The following PPP3CA variants were observed in gnomAD, a reference collection of about 807,000 sequenced individuals.
The protein encoded by PPP3CA is CAM-PRP catalytic subunit.
A neutral mutation model predicts 66.5 loss-of-function variants in PPP3CA; 14 were observed. That is an observed-to-expected ratio of 0.21 (90% CI 0.14 to 0.33). PPP3CA has a LOEUF of 0.33. Ranked by LOEUF, PPP3CA falls within the 10% of genes least tolerant of loss-of-function variation. The probability of loss-of-function intolerance (pLI) is 1.00; values close to 1 mark genes in which losing one functional copy is unlikely to be tolerated. For synonymous variants in PPP3CA, 232 were observed against 226.2 expected, an observed-to-expected ratio of 1.03 and a Z score of -0.23; for missense variants, 317 against 639.5, an observed-to-expected ratio of 0.50 and a Z score of 5.44.
chr4:101,290,084 G>A (rs886914754), intron 1 of PPP3CA, among the ~76,000 whole-genome samples: 8 of 152,060 alleles, frequency 5.3e-5, no homozygotes, highest in Non-Finnish European at 7.4e-5. Context: ...AGACAAAAGT[G>A]ATCTACAGTT....
At chr4:101,063,625 A>T (rs1728563337) in intron 8 of PPP3CA, among the ~76,000 whole-genome samples, 1 of 151,976 alleles carries the variant, frequency 6.6e-6, no homozygotes, top group Non-Finnish European at 1.5e-5. Context: ...AATGTCTGTC[A>T]GGAACTGATT....
chr4:101,050,464 C>A (rs1284617157), intron 10 of PPP3CA, among the ~76,000 whole-genome samples: 1 of 152,110 alleles, frequency 6.6e-6, no homozygotes, highest in Non-Finnish European at 1.5e-5. Context: ...AGCTGTGCTA[C>A]CTTGGGCAAG....
chr4:101,169,396 C>G (rs1723797139), intron 2 of PPP3CA, among the ~76,000 whole-genome samples: 1 of 152,114 alleles, frequency 6.6e-6, no homozygotes. Flanking sequence ...TGGCTATGTC[C>G]TACAGTACTC....
intron 2 of PPP3CA, among the ~76,000 whole-genome samples, chr4:101,137,143 T>C (rs150689640): frequency 5.9e-5 from 9 of 152,318 alleles, no homozygotes; most frequent in South Asian, 2.1e-4. Flanking sequence ...TATTTAAATA[T>C]GTACCTCTGT....
intron 9 of PPP3CA, among the ~76,000 whole-genome samples, chr4:101,062,771 T>C (rs1277998554): frequency 6.6e-6 from 1 of 152,034 alleles, no homozygotes; most frequent in Non-Finnish European, 1.5e-5. Context: ...CTTCAAAATA[T>C]TGTAGCCATT....
At chr4:101,343,803 C>T (rs956394602) in intron 1 of PPP3CA, among the ~76,000 whole-genome samples, 1 of 152,128 alleles carries the variant, frequency 6.6e-6, no homozygotes, top group Non-Finnish European at 1.5e-5. Context: ...ATAGTTGAGA[C>T]AGACTCAACC....
intron 2 of PPP3CA, among the ~76,000 whole-genome samples, chr4:101,117,129 C>A (rs1721860482): frequency 6.6e-6 from 1 of 151,350 alleles, no homozygotes; most frequent in African/African-American, 2.4e-5. Context: ...AAACTGTTAG[C>A]CAATGTTAAT....
chr4:101,097,008 A>C (rs1489783148), intron 5 of PPP3CA, among the ~76,000 whole-genome samples: 1 of 152,150 alleles, frequency 6.6e-6, no homozygotes, highest in Non-Finnish European at 1.5e-5. Context: ...TCTTTGTATG[A>C]ATGCCCCTAA....
intron 1 of PPP3CA, among the ~76,000 whole-genome samples, chr4:101,222,450 C>A (rs1316196509): frequency 6.6e-6 from 1 of 151,600 alleles, no homozygotes. Context: ...TGTTTTTTTC[C>A]AGTCCATAAA....
chr4:101,064,680 T>A (rs1560584449), intron 8 of PPP3CA, among the ~76,000 whole-genome samples: 1 of 152,210 alleles, frequency 6.6e-6, no homozygotes, highest in Non-Finnish European at 1.5e-5. Context: ...CCCTCTTTAA[T>A]ATGACATGGC....
At chr4:101,121,895 A>C (rs150180639) in intron 2 of PPP3CA, among the ~76,000 whole-genome samples, 22 of 152,244 alleles carry the variant, frequency 1.4e-4, no homozygotes, top group Middle Eastern at 3.4e-3. Context: ...TTTATCAATA[A>C]GGAGACACTG....
chr4:101,159,951 G>A (rs148049835), intron 2 of PPP3CA, among the ~76,000 whole-genome samples: 64 of 152,076 alleles, frequency 4.2e-4, no homozygotes, highest in Non-Finnish European at 8.1e-4. Context: ...ACAAAAACGT[G>A]AACTATCTAT....
intron 2 of PPP3CA, among the ~76,000 whole-genome samples, chr4:101,134,381 A>C (rs1237672456): frequency 3.9e-5 from 6 of 152,234 alleles, no homozygotes; most frequent in African/African-American, 1.4e-4. Flanking sequence ...AAGGAACTTA[A>C]ATTTACAAGA....
intron 1 of PPP3CA, among the ~76,000 whole-genome samples, chr4:101,248,443 T>A (rs1264199700): frequency 6.6e-6 from 1 of 152,178 alleles, no homozygotes; most frequent in East Asian, 1.9e-4. Flanking sequence ...GTCAGCTACA[T>A]CACAAAATAA....
chr4:101,241,565 G>A (rs769710783), intron 1 of PPP3CA, among the ~76,000 whole-genome samples: 1 of 151,872 alleles, frequency 6.6e-6, no homozygotes, highest in East Asian at 1.9e-4. Flanking sequence ...ATATTTAGTT[G>A]TCTATAACAA....
At chr4:101,058,135 A>G (rs1459153729) in intron 10 of PPP3CA, among the ~76,000 whole-genome samples, 4 of 152,166 alleles carry the variant, frequency 2.6e-5, no homozygotes, top group East Asian at 1.9e-4. Flanking sequence ...TAAATTGTCT[A>G]TCCCTAAAAA....
At chr4:101,107,069 G>T (rs1730786667) in intron 3 of PPP3CA, among the ~76,000 whole-genome samples, 1 of 152,130 alleles carries the variant, frequency 6.6e-6, no homozygotes, top group South Asian at 2.1e-4. Context: ...AGCTGGTCAG[G>T]CTGGCCCCAA....
intron 1 of PPP3CA, among the ~76,000 whole-genome samples, chr4:101,299,890 C>A (rs1369085053): frequency 6.6e-6 from 1 of 152,226 alleles, no homozygotes; most frequent in African/African-American, 2.4e-5. Flanking sequence ...CTTACAGCTA[C>A]TTTAAAAGGC....
intron 2 of PPP3CA, among the ~76,000 whole-genome samples, chr4:101,118,399 T>C (rs1306510667): frequency 6.6e-6 from 1 of 152,026 alleles, no homozygotes; most frequent in Non-Finnish European, 1.5e-5. Context: ...AGGACTATCA[T>C]GAAACCAGAA....
Sources: gnomAD v4.1 joint callset for allele counts (sites outside exome capture counted in the v4.1 genomes callset) on GRCh38, gnomAD v4.1.1 for gene constraint, MANE v1.5 for transcripts, NCBI Gene and HGNC (gene_info 2026-07-23, HGNC 2026-07-21) for gene names.